Variants in FHIT observed in about 807,000 individuals in gnomAD.
FHIT encodes the protein bis(5'-adenosyl)-triphosphatase.
FHIT carries 19 observed loss-of-function variants against 17.9 expected under a neutral mutation model. The ratio of observed to expected loss-of-function variants is 1.06; its 90% CI spans 0.74 to 1.56. The LOEUF (loss-of-function observed/expected upper bound fraction) is 1.56. Ranked by LOEUF, FHIT falls within the 40% of genes most tolerant of loss-of-function variation. The probability of loss-of-function intolerance (pLI) is 0.00; values close to 1 mark genes in which losing one functional copy is unlikely to be tolerated. For missense variants in FHIT, 248 were observed against 189.2 expected (o/e 1.31, Z -1.82); for synonymous variants, 81 against 69.7 (o/e 1.16, Z -0.81).
At chr3:60,013,355 C>G (rs918479761) in intron 6 of FHIT, among the ~76,000 whole-genome samples, 1 of 152,156 alleles carries the variant, frequency 6.6e-6, no homozygotes, top group Non-Finnish European at 1.5e-5. Flanking sequence ...CATTGATACC[C>G]CAGCCCTTTC....
At chr3:59,752,386 G>C (rs527572286) in intron 8 of FHIT, 65 bp from the exon 9 acceptor site, 3 of 1,283,030 alleles carry the variant, frequency 2.3e-6, no homozygotes, top group Non-Finnish European at 2.2e-6. Context: ...AACAAATTTC[G>C]GGGGGCTGGG....
At chr3:60,130,861 GTA>G (rs1699532281) in intron 5 of FHIT, among the ~76,000 whole-genome samples, 1 of 141,632 alleles carries the variant, frequency 7.1e-6, no homozygotes, top group Non-Finnish European at 1.6e-5. Flanking sequence ...GTGTATACAT[GTA>G]TATAGACACG....
chr3:61,156,895 T>C (rs2037548909), intron 2 of FHIT, among the ~76,000 whole-genome samples: 1 of 152,184 alleles, frequency 6.6e-6, no homozygotes, highest in South Asian at 2.1e-4. Context: ...TACAATCCTC[T>C]AGAGATTCTC....
chr3:60,288,566 A>AGTGT (rs139336094), intron 5 of FHIT, among the ~76,000 whole-genome samples: 3,851 of 144,626 alleles, frequency 0.027, 63 homozygotes, highest in East Asian at 0.06. Flanking sequence ...GTTCTGGCAC[A>AGTGT]GTGTGTGTGT....
chr3:59,993,663 G>C (rs1699383773), intron 7 of FHIT, among the ~76,000 whole-genome samples: 1 of 151,810 alleles, frequency 6.6e-6, no homozygotes, highest in South Asian at 2.1e-4. Flanking sequence ...CCCACTTTCT[G>C]ATGAGGCCGG....
At chr3:60,643,976 A>G (rs2039790973) in intron 4 of FHIT, among the ~76,000 whole-genome samples, 1 of 152,174 alleles carries the variant, frequency 6.6e-6, no homozygotes, top group East Asian at 1.9e-4. Context: ...GTTACCAAAT[A>G]TGTTTGGGCA....
intron 7 of FHIT, among the ~76,000 whole-genome samples, chr3:59,963,821 T>G (rs1028766220): frequency 6.6e-6 from 1 of 152,158 alleles, no homozygotes; most frequent in Admixed American, 6.5e-5. Flanking sequence ...TGTGAATAAA[T>G]AAATGAGTAA....
chr3:60,257,206 ATC>A (rs1706043201), intron 5 of FHIT, among the ~76,000 whole-genome samples: 1 of 152,162 alleles, frequency 6.6e-6, no homozygotes, highest in Admixed American at 6.5e-5. Flanking sequence ...TCATTTCTGT[ATC>A]TGTCTGAGAG....
chr3:60,471,839 A>G (rs1218717113), intron 5 of FHIT, among the ~76,000 whole-genome samples: 1 of 152,110 alleles, frequency 6.6e-6, no homozygotes, highest in Non-Finnish European at 1.5e-5. Context: ...TGAAATGAGT[A>G]AAAAGCCTTC....
chr3:60,515,358 T>A (rs1015978038), intron 5 of FHIT, among the ~76,000 whole-genome samples: 1 of 152,012 alleles, frequency 6.6e-6, no homozygotes, highest in Non-Finnish European at 1.5e-5. Flanking sequence ...AATCTATACA[T>A]TTACGGGACG....
At chr3:60,637,435 A>G (rs750792293) in intron 4 of FHIT, among the ~76,000 whole-genome samples, 3 of 152,190 alleles carry the variant, frequency 2.0e-5, no homozygotes, top group Non-Finnish European at 2.9e-5. Flanking sequence ...GGAAGGGTAT[A>G]TTTATTTAAA....
At chr3:59,832,858 A>C (rs1173691331) in intron 8 of FHIT, among the ~76,000 whole-genome samples, 1 of 152,214 alleles carries the variant, frequency 6.6e-6, no homozygotes, top group Non-Finnish European at 1.5e-5. Context: ...GCCAACAGGC[A>C]AGGACAGAAT....
intron 4 of FHIT, among the ~76,000 whole-genome samples, chr3:60,807,128 T>C (rs918761592): frequency 6.6e-6 from 1 of 152,218 alleles, no homozygotes; most frequent in African/African-American, 2.4e-5. Flanking sequence ...TGTAAAGTAG[T>C]CATTTTCAAG....
At chr3:61,212,090 A>T (rs1185092692) in intron 1 of FHIT, among the ~76,000 whole-genome samples, 1 of 152,236 alleles carries the variant, frequency 6.6e-6, no homozygotes, top group Non-Finnish European at 1.5e-5. Context: ...TAAAAAGCAG[A>T]GCGCTTCTCC....
intron 8 of FHIT, among the ~76,000 whole-genome samples, chr3:59,834,372 GAC>G (rs1701267550): frequency 6.6e-6 from 1 of 152,148 alleles, no homozygotes; most frequent in Non-Finnish European, 1.5e-5. Flanking sequence ...TAGCTAAATA[GAC>G]AGACAGACAG....
intron 7 of FHIT, among the ~76,000 whole-genome samples, chr3:59,994,633 C>T (rs756228720): frequency 6.6e-6 from 1 of 151,984 alleles, no homozygotes; most frequent in Non-Finnish European, 1.5e-5. Flanking sequence ...AAAACAAATC[C>T]CAGGGAAGAA....
Position 59,767,693 on chromosome 3 carries a change from T to A in FHIT, c.349-15372A>T, listed in dbSNP as rs568683037. On this transcript the variant is annotated intron_variant, in intron 8 of 9. Transcript: ENST00000492590. ...GCTTGCTGTCTGCCTGGCAATGTGC[T>A]CAGTGCCAAGTACAAACATGATCTC... 2.0e-5 allele frequency among the ~76,000 whole-genome samples: 3 copies of A among 152,302 alleles called. No individual in the cohort carries two copies. The South Asian group carries it at 6.2e-4, about 32-fold the overall frequency.
intron 4 of FHIT, among the ~76,000 whole-genome samples, chr3:60,789,790 G>T (rs1353073987): frequency 3.3e-5 from 5 of 152,100 alleles, no homozygotes; most frequent in South Asian, 2.1e-4. Flanking sequence ...CCCTGTAAAT[G>T]GTCCTGTGGA....
At chr3:60,718,504 T>C (rs782258262) in intron 4 of FHIT, among the ~76,000 whole-genome samples, 1 of 152,172 alleles carries the variant, frequency 6.6e-6, no homozygotes, top group African/African-American at 2.4e-5. Flanking sequence ...ACATGTATTT[T>C]AACAATTGTA....
Sources: allele counts gnomAD v4.1 joint callset (sites outside exome capture counted in the v4.1 genomes callset), GRCh38; gene constraint gnomAD v4.1.1; transcripts MANE v1.5; gene names NCBI Gene and HGNC (gene_info 2026-07-23, HGNC 2026-07-21).